Variants in PDE4B observed in about 807,000 individuals in gnomAD.
PDE4B encodes the protein 3',5'-cyclic-AMP phosphodiesterase 4B.
A neutral mutation model predicts 82.2 loss-of-function variants in PDE4B; 20 were observed. The ratio of observed to expected loss-of-function variants is 0.24; its 90% CI spans 0.17 to 0.35. PDE4B has a LOEUF of 0.35. Among genes scored for constraint, PDE4B ranks in the 10% least tolerant of loss-of-function variants. The pLI, the probability that PDE4B is intolerant of heterozygous loss-of-function variation, is 1.00. For missense variants in PDE4B, 655 were observed against 907.2 expected (o/e 0.72, Z 3.57); for synonymous variants, 320 against 318.9 (o/e 1.00, Z -0.04).
At chr1:66,045,886 T>C (rs1445130309) in intron 3 of PDE4B, among the ~76,000 whole-genome samples, 2 of 151,608 alleles carry the variant, frequency 1.3e-5, no homozygotes, top group African/African-American at 4.8e-5. Context: ...AGGCTGAGCA[T>C]AGACATGAGA....
intron 1 of PDE4B, among the ~76,000 whole-genome samples, chr1:65,875,153 A>C (rs202099996): frequency 1.5e-4 from 23 of 152,248 alleles, no homozygotes; most frequent in Middle Eastern, 3.4e-3. Context: ...CATGAACAGA[A>C]ACTTCTCAAA....
intron 7 of PDE4B, among the ~76,000 whole-genome samples, chr1:66,309,971 T>C (rs1310200595): frequency 6.6e-6 from 1 of 152,098 alleles, no homozygotes; most frequent in Admixed American, 6.6e-5. Context: ...TGTTACTTCA[T>C]TATTTAAGGG....
chr1:65,866,119 A>G (rs1270166911), intron 1 of PDE4B, among the ~76,000 whole-genome samples: 1 of 152,190 alleles, frequency 6.6e-6, no homozygotes, highest in African/African-American at 2.4e-5. Flanking sequence ...ATTAGTTCCA[A>G]TCTTGGGAAA....
intron 6 of PDE4B, among the ~76,000 whole-genome samples, chr1:66,261,702 T>C (rs1654695816): frequency 1.3e-5 from 2 of 152,192 alleles, no homozygotes; most frequent in Admixed American, 1.3e-4. Flanking sequence ...AATCTCAAAG[T>C]TCCTGTTGAG....
At chr1:66,320,748 G>A (rs1406958011) in intron 7 of PDE4B, among the ~76,000 whole-genome samples, 1 of 152,150 alleles carries the variant, frequency 6.6e-6, no homozygotes, top group African/African-American at 2.4e-5. Context: ...GAAAAACCAA[G>A]AGAAATATTT....
At chr1:65,845,655 A>C (rs1202817204) in intron 1 of PDE4B, among the ~76,000 whole-genome samples, 2 of 152,182 alleles carry the variant, frequency 1.3e-5, no homozygotes, top group African/African-American at 4.8e-5. Flanking sequence ...GATGCTGAAC[A>C]GTGCTCCTGC....
chr1:66,318,065 G>A (rs1253372562), intron 7 of PDE4B, among the ~76,000 whole-genome samples: 3 of 152,188 alleles, frequency 2.0e-5, no homozygotes, highest in African/African-American at 7.2e-5. Context: ...CCAGAACTCA[G>A]TCTGCCAAGA....
At chr1:65,983,528 G>A (rs1650797263) in intron 3 of PDE4B, among the ~76,000 whole-genome samples, 1 of 152,140 alleles carries the variant, frequency 6.6e-6, no homozygotes, top group Admixed American at 6.6e-5. Context: ...GGTCATTAAG[G>A]TGGGTCCTAA....
In PDE4B at chr1:66,152,371, C is replaced by T. The variant is rs186292738; in HGVS notation, c.282-95089C>T. On this transcript the variant is annotated intron_variant, in intron 3 of 16. Coordinates refer to ENST00000341517, the MANE Select transcript of PDE4B (RefSeq NM_002600.4). The stretch of plus-strand genomic sequence containing the variant: ...AAAGACAGGAGAAGATTTAATGTTT[C>T]TTAAATTCTCCCTCTGTCACAAGAT... The T allele has an allele frequency of 7.1e-5, 12 of 168,484 alleles. No individual in the cohort carries two copies. In the East Asian group the frequency reaches 1.8e-3, roughly 25 times the overall value. 10.4% of individuals were successfully genotyped at this position (168,484 alleles called of 1,614,324 possible). A position where few individuals can be genotyped will look rare whatever the true frequency, so the allele number is the denominator to read the frequency against.
At chr1:66,361,874 A>G in intron 10 of PDE4B, 81 bp downstream of exon 10, 1 of 1,140,614 alleles carries the variant, frequency 8.8e-7, no homozygotes, top group South Asian at 1.8e-5. Context: ...AGAAAATAGT[A>G]TGGATTGCTT....
intron 3 of PDE4B, among the ~76,000 whole-genome samples, chr1:66,009,180 A>C (rs936410928): frequency 1.3e-5 from 2 of 152,160 alleles, no homozygotes; most frequent in African/African-American, 4.8e-5. Flanking sequence ...TCAGGTCAGA[A>C]ATCTTGGAGT....
intron 1 of PDE4B, among the ~76,000 whole-genome samples, chr1:65,847,891 A>G (rs2101374499): frequency 6.6e-6 from 1 of 152,214 alleles, no homozygotes; most frequent in East Asian, 1.9e-4. Flanking sequence ...TGGGGGAGTT[A>G]ATGTATTGAT....
chr1:66,051,950 A>G (rs962734233), intron 3 of PDE4B, among the ~76,000 whole-genome samples: 6 of 152,106 alleles, frequency 3.9e-5, no homozygotes, highest in Admixed American at 2.6e-4. Flanking sequence ...TTCATAGCTG[A>G]TGAAGGTTGG....
Position 66,014,356 on chromosome 1 carries a change from A to C in PDE4B, c.281+95521A>C, listed in dbSNP as rs577052989. On this transcript the variant is annotated intron_variant, in intron 3 of 16. Transcript: ENST00000341517. The stretch of plus-strand genomic sequence containing the variant: ...TGCTTTCTGGTGTCATAGCCAAAAA[A>C]TCATTATCAAATCTAGTGTCATGAA... Among the ~76,000 whole-genome samples, 27 of 152,264 alleles carry C rather than the reference A, an allele frequency of 1.8e-4. No homozygotes were observed. The South Asian group carries it at 5.2e-3, about 29-fold the overall frequency.
intron 3 of PDE4B, among the ~76,000 whole-genome samples, chr1:66,187,617 G>T (rs1406254175): frequency 1.3e-5 from 2 of 152,232 alleles, no homozygotes; most frequent in African/African-American, 4.8e-5. Flanking sequence ...TAGTTTATTT[G>T]CGTAGAGGTG....
At chr1:66,294,395 C>T (rs1318629479) in intron 7 of PDE4B, among the ~76,000 whole-genome samples, 1 of 152,062 alleles carries the variant, frequency 6.6e-6, no homozygotes, top group Non-Finnish European at 1.5e-5. Flanking sequence ...TGCTGACCCA[C>T]AAAACACAAT....
At chr1:66,342,548 TAAAAAA>T (rs374881888) in intron 8 of PDE4B, among the ~76,000 whole-genome samples, 52 of 96,552 alleles carry the variant, frequency 5.4e-4, no homozygotes, top group Middle Eastern at 6.7e-3. Context: ...TGTCTCTAAT[TAAAAAA>T]AAAAAAAAAA....
intron 1 of PDE4B, among the ~76,000 whole-genome samples, chr1:65,820,422 A>G (rs890311864): frequency 1.3e-5 from 2 of 152,240 alleles, no homozygotes; most frequent in South Asian, 2.1e-4. Flanking sequence ...AAAATAAAAT[A>G]TGAAATTATA....
intron 8 of PDE4B, among the ~76,000 whole-genome samples, chr1:66,349,410 G>T (rs916626944): frequency 3.3e-5 from 5 of 152,282 alleles, no homozygotes; most frequent in Non-Finnish European, 7.4e-5. Context: ...AACATGTTTA[G>T]AAGAGTTTCT....
Sources: allele counts gnomAD v4.1 joint callset (sites outside exome capture counted in the v4.1 genomes callset), GRCh38; gene constraint gnomAD v4.1.1; transcripts MANE v1.5; gene names NCBI Gene and HGNC (gene_info 2026-07-23, HGNC 2026-07-21).